The following TRIO variants were observed in gnomAD, a reference collection of about 807,000 sequenced individuals.
The protein encoded by TRIO is trio Rho guanine nucleotide exchange factor.
TRIO carries 58 observed loss-of-function variants against 351.9 expected under a neutral mutation model. That is an observed-to-expected ratio of 0.16 (90% CI 0.13 to 0.21). The LOEUF (loss-of-function observed/expected upper bound fraction) is 0.21, where lower values mean the gene tolerates loss of function less well. Ranked by LOEUF, TRIO falls within the 10% of genes least tolerant of loss-of-function variation. TRIO has a pLI of 1.00. For missense variants in TRIO, 3,201 were observed against 4,027.8 expected (o/e 0.79, Z 5.56); for synonymous variants, 1,758 against 1,595.7 (o/e 1.10, Z -2.42).
At chr5:14,175,076 T>C (rs1487633269) in intron 1 of TRIO, among the ~76,000 whole-genome samples, 1 of 152,206 alleles carries the variant, frequency 6.6e-6, no homozygotes. Flanking sequence ...TATAATTGGT[T>C]TTCTGGTTAA....
intron 55 of TRIO, among the ~76,000 whole-genome samples, chr5:14,506,048 G>A (rs1757655491): frequency 6.6e-6 from 1 of 152,156 alleles, no homozygotes; most frequent in Non-Finnish European, 1.5e-5. Context: ...GAAGAGCCGA[G>A]CCGACATCCA....
At chr5:14,170,152 A>G (rs1428253383) in intron 1 of TRIO, among the ~76,000 whole-genome samples, 1 of 152,212 alleles carries the variant, frequency 6.6e-6, no homozygotes, top group Non-Finnish European at 1.5e-5. Context: ...GATTTTTGTT[A>G]TAACATGTTT....
At chr5:14,158,280 C>T (rs1048088189) in intron 1 of TRIO, among the ~76,000 whole-genome samples, 1 of 151,992 alleles carries the variant, frequency 6.6e-6, no homozygotes, top group Non-Finnish European at 1.5e-5. Context: ...TGAAAATTAG[C>T]TGAGCGTGGT....
At chr5:14,364,920 G>T in intron 15 of TRIO, 104 bp downstream of exon 15, 2 of 1,389,966 alleles carry the variant, frequency 1.4e-6, no homozygotes, top group Non-Finnish European at 1.9e-6. Flanking sequence ...GATTGTGCCT[G>T]CTCAGAACAC....
At chr5:14,499,766 A>G (rs1460478156) in intron 53 of TRIO, among the ~76,000 whole-genome samples, 1 of 152,052 alleles carries the variant, frequency 6.6e-6, no homozygotes, top group African/African-American at 2.4e-5. Flanking sequence ...AAGGTATACT[A>G]TTCAGCTGGG....
At chr5:14,448,751 AT>A (rs540589758) in intron 34 of TRIO, among the ~76,000 whole-genome samples, 1,517 of 148,162 alleles carry the variant, frequency 0.01, 22 homozygotes, top group African/African-American at 0.034. Context: ...TTTATATGGA[AT>A]TTTTTTTTTT....
chr5:14,407,478 T>C (rs538061824), intron 33 of TRIO, among the ~76,000 whole-genome samples: 1 of 152,340 alleles, frequency 6.6e-6, no homozygotes, highest in South Asian at 2.1e-4. Flanking sequence ...GTCCAGCTTC[T>C]CTGGGTTCAT....
Position 14,474,014 on chromosome 5 carries a change from A to C in TRIO, c.6000A>C (p.Lys2000Asn). ...TGTAGGGCTACATGGCACTTATGAAAGAAGATGGTGTTCCTGATGACATGA... is the reference window on the plus strand; with the variant it reads ...TGTAGGGCTACATGGCACTTATGAACGAAGATGGTGTTCCTGATGACATGA... Reference protein sequence around the residue: ...YVVEGYMALMKEDGVPDDMKG... With the variant: ...YVVEGYMALMNEDGVPDDMKG... Residue 2000 changes from lysine to asparagine, a missense_variant, in exon 40 of 57, where the codon AAA (lysine) becomes AAC (asparagine). Coordinates refer to ENST00000344204, the MANE Select transcript of TRIO (RefSeq NM_007118.4). The C allele has an allele frequency of 6.2e-7, 1 of 1,613,458 alleles. No homozygotes were observed. Among genetic ancestry groups the C allele is most frequent in the Non-Finnish European group, 8.5e-7 (1 of 1,179,418 alleles).
intron 1 of TRIO, among the ~76,000 whole-genome samples, chr5:14,154,075 T>C (rs533377716): frequency 6.6e-6 from 1 of 152,308 alleles, no homozygotes; most frequent in African/African-American, 2.4e-5. Context: ...TGGAGGCATG[T>C]TGGCTCTGTT....
rs748065183 is a variant in TRIO, at chr5:14,381,195, T to C, written c.3513T>C (p.Ser1171=). ...YLSTHTSTGS[S]IQHTQELLKE... is the part of the protein sequence containing the mutation. ...CCACACACACCTCCACGGGCTCCAGTATACAGCACACCCAGGAGCTCCTGA... is the reference window on the plus strand; with the variant it reads ...CCACACACACCTCCACGGGCTCCAGCATACAGCACACCCAGGAGCTCCTGA... Residue 1171 remains serine, a synonymous_variant, in exon 21 of 57, where the codon AGT becomes AGC. Coordinates refer to ENST00000344204, the MANE Select transcript of TRIO (RefSeq NM_007118.4). The C allele has an allele frequency of 1.2e-6, 2 of 1,614,140 alleles. No individual in the cohort carries two copies. Among genetic ancestry groups the C allele is most frequent in the Non-Finnish European group, 8.5e-7 (1 of 1,180,020 alleles).
At chr5:14,216,448 T>C (rs748825468) in intron 1 of TRIO, among the ~76,000 whole-genome samples, 1 of 152,228 alleles carries the variant, frequency 6.6e-6, no homozygotes, top group Non-Finnish European at 1.5e-5. Flanking sequence ...TCTTCTTGTT[T>C]GTATTTGCTT....
intron 8 of TRIO, among the ~76,000 whole-genome samples, chr5:14,313,162 G>A (rs761749237): frequency 3.9e-5 from 6 of 152,126 alleles, no homozygotes; most frequent in Admixed American, 6.5e-5. Context: ...CTTTACTGCC[G>A]CTGTCACTAT....
At chr5:14,472,808 T>G in intron 39 of TRIO, 150 bp downstream of exon 39, 2 of 773,792 alleles carry the variant, frequency 2.6e-6, no homozygotes, top group South Asian at 4.8e-5. Context: ...TCCGAAAAAT[T>G]AAGTTTAGCC....
Position 14,286,766 on chromosome 5 carries a change from T to C in TRIO, c.348-105T>C. The C allele has an allele frequency of 8.2e-7, 1 of 1,214,642 alleles. No homozygotes were observed. The highest frequency in any genetic ancestry group is 1.5e-5 in the African/African-American group (1 of 66,522). 75.2% of individuals were successfully genotyped at this position (1,214,642 alleles called of 1,614,324 possible). A position where few individuals can be genotyped will look rare whatever the true frequency, so the allele number is the denominator to read the frequency against. On this transcript the variant is annotated intron_variant, in intron 3 of 56. Transcript: ENST00000344204. This position sits in a 1 kb window ranked among gnomAD's most constrained non-coding sequence, Gnocchi z 4.4. ...GCTCCTTCCCCTGCCTCCGCACGTG[T>C]CCAGCAGGGGAGGGAAGCTGGGTCT...
At chr5:14,210,836 A>G (rs1791843585) in intron 1 of TRIO, among the ~76,000 whole-genome samples, 1 of 152,162 alleles carries the variant, frequency 6.6e-6, no homozygotes, top group Admixed American at 6.5e-5. Flanking sequence ...AGTGGATGTC[A>G]GAGGATGACA....
intron 45 of TRIO, chr5:14,481,890 AGTACT>A (rs994317979): frequency 1.0e-5 from 4 of 385,680 alleles, no homozygotes; most frequent in African/African-American, 8.8e-5. Flanking sequence ...TCTTGGGCCC[AGTACT>A]GTAAGAGCTG....
At chr5:14,323,946 G>A (rs1234357291) in intron 9 of TRIO, among the ~76,000 whole-genome samples, 1 of 152,122 alleles carries the variant, frequency 6.6e-6, no homozygotes, top group Non-Finnish European at 1.5e-5. Flanking sequence ...CTTCCTTTAT[G>A]GCCACCTACT....
At chr5:14,457,832 G>A (rs1383167511) in intron 34 of TRIO, among the ~76,000 whole-genome samples, 2 of 152,140 alleles carry the variant, frequency 1.3e-5, no homozygotes, top group South Asian at 2.1e-4. Context: ...GGTGGACAGA[G>A]GGACCAGGTC....
intron 31 of TRIO, 91 bp downstream of exon 31, chr5:14,401,155 T>G (rs1748036528): frequency 9.2e-7 from 1 of 1,090,264 alleles, no homozygotes; most frequent in South Asian, 1.5e-5. Context: ...ATTATTATTA[T>G]TTGTTGTTGT....
Sources: gnomAD v4.1 joint callset for allele counts (sites outside exome capture counted in the v4.1 genomes callset) on GRCh38, gnomAD v4.1.1 for gene constraint, Gnocchi (gnomAD v3.1) non-coding constraint, MANE v1.5 for transcripts, NCBI Gene and HGNC (gene_info 2026-07-23, HGNC 2026-07-21) for gene names.